The following SLC8A1 variants were observed in gnomAD, a reference collection of about 807,000 sequenced individuals.
SLC8A1 encodes the protein solute carrier family 8 member A1, also known as sodium/calcium exchanger 1.
SLC8A1 carries 18 observed loss-of-function variants against 68.3 expected under a neutral mutation model. That is an observed-to-expected ratio of 0.26 (90% CI 0.18 to 0.39). SLC8A1 has a LOEUF of 0.39. Ranked by LOEUF, SLC8A1 falls within the 10% of genes least tolerant of loss-of-function variation. SLC8A1 has a pLI of 1.00. For synonymous variants in SLC8A1, 475 were observed against 415.5 expected (o/e 1.14, Z -1.74); for missense variants, 985 against 1,156.7 (o/e 0.85, Z 2.15).
At chr2:40,316,433 T>C (rs2074456928) in intron 2 of SLC8A1, among the ~76,000 whole-genome samples, 1 of 152,062 alleles carries the variant, frequency 6.6e-6, no homozygotes, top group Non-Finnish European at 1.5e-5. Context: ...GAACGTCGTA[T>C]AGGAACACAA....
intron 7 of SLC8A1, among the ~76,000 whole-genome samples, chr2:40,138,617 C>T (rs936490377): frequency 6.6e-6 from 1 of 152,096 alleles, no homozygotes; most frequent in African/African-American, 2.4e-5. Context: ...CATTCCTGGG[C>T]CCTGTCACTC....
chr2:40,217,939 A>AC (rs11417331), intron 2 of SLC8A1, among the ~76,000 whole-genome samples: 2,681 of 151,882 alleles, frequency 0.018, 85 homozygotes, highest in African/African-American at 0.061. Context: ...ATTCTGAGAT[A>AC]AAATAGCTGT....
chr2:40,301,195 A>C (rs13429106), intron 2 of SLC8A1, among the ~76,000 whole-genome samples: 12,847 of 152,182 alleles, frequency 0.084, 787 homozygotes, highest in African/African-American at 0.17. Context: ...ATGTGCTGAG[A>C]ATTTGCTAAG....
At chr2:40,393,622 G>A (rs1276172945) in intron 2 of SLC8A1, among the ~76,000 whole-genome samples, 1 of 152,066 alleles carries the variant, frequency 6.6e-6, no homozygotes, top group Non-Finnish European at 1.5e-5. Context: ...AAACCCATAT[G>A]AGGGTGCTCC....
At chr2:40,269,374 A>AC (rs1425647288) in intron 2 of SLC8A1, among the ~76,000 whole-genome samples, 2 of 152,186 alleles carry the variant, frequency 1.3e-5, no homozygotes, top group East Asian at 3.8e-4. Flanking sequence ...GTGTGAATGT[A>AC]CCTTCCACTT....
At chr2:40,412,511 T>G (rs1315354797) in intron 2 of SLC8A1, among the ~76,000 whole-genome samples, 1 of 152,176 alleles carries the variant, frequency 6.6e-6, no homozygotes, top group African/African-American at 2.4e-5. Flanking sequence ...GCATACGGTT[T>G]TAACTGAAAC....
intron 2 of SLC8A1, among the ~76,000 whole-genome samples, chr2:40,329,139 C>T (rs2076156031): frequency 6.6e-6 from 1 of 151,812 alleles, no homozygotes; most frequent in Non-Finnish European, 1.5e-5. Context: ...AACAGACAAA[C>T]TTTCACTCGG....
At chr2:40,490,120 T>A (rs1405030732) in intron 1 of SLC8A1, among the ~76,000 whole-genome samples, 1 of 152,094 alleles carries the variant, frequency 6.6e-6, no homozygotes, top group Non-Finnish European at 1.5e-5. Flanking sequence ...CTAGTGAAAT[T>A]GCGTGGATAT....
At chr2:40,427,673 A>C (rs1164078996) in intron 2 of SLC8A1, among the ~76,000 whole-genome samples, 2 of 152,140 alleles carry the variant, frequency 1.3e-5, no homozygotes, top group Non-Finnish European at 2.9e-5. Context: ...TTACTACATG[A>C]GCACAGTGCC....
At chr2:40,508,367 T>C (rs1471640716) in intron 1 of SLC8A1, among the ~76,000 whole-genome samples, 2 of 149,352 alleles carry the variant, frequency 1.3e-5, no homozygotes, top group Non-Finnish European at 3.0e-5. Context: ...AAAAAAAAAA[T>C]CTAAAAAAAA....
At chr2:40,211,880 T>TATCA (rs1334361428) in intron 2 of SLC8A1, among the ~76,000 whole-genome samples, 5 of 152,204 alleles carry the variant, frequency 3.3e-5, no homozygotes, top group African/African-American at 1.2e-4. Flanking sequence ...AGTGAAGTGA[T>TATCA]GTGTCTGTCA....
chr2:40,361,743 G>T (rs1022561803), intron 2 of SLC8A1, among the ~76,000 whole-genome samples: 1 of 151,908 alleles, frequency 6.6e-6, no homozygotes, highest in Non-Finnish European at 1.5e-5. Flanking sequence ...GTGGCCACAC[G>T]TATCGGGTAG....
At chr2:40,101,570 A>C (rs2033895589) in exon 8 of SLC8A1, 1 of 152,154 alleles carries the variant, frequency 6.6e-6, no homozygotes, top group Non-Finnish European at 1.5e-5. Context: ...GTTATGCCAG[A>C]AAAAGACATA....
At position 40,428,089 on chromosome 2, in the gene SLC8A1, T is replaced by C. The variant is rs563246023; in HGVS notation, c.1808+384A>G. Among the ~76,000 whole-genome samples the C allele has an allele frequency of 3.3e-5, 5 of 152,282 alleles. No individual in the cohort carries two copies. The South Asian group carries it at 1.0e-3, about 32-fold the overall frequency. The stretch of plus-strand genomic sequence containing the variant: ...CTCAGAAACGAAGTTAGAGACCTAT[T>C]GTGATGTTTTAAATATTCCTTTTCT... On this transcript the variant is annotated intron_variant, in intron 2 of 7. Coordinates refer to ENST00000406785, the Ensembl canonical transcript of SLC8A1.
At chr2:40,252,199 G>A (rs2062867773) in intron 2 of SLC8A1, among the ~76,000 whole-genome samples, 1 of 152,174 alleles carries the variant, frequency 6.6e-6, no homozygotes, top group Non-Finnish European at 1.5e-5. Flanking sequence ...GTGAATCTGG[G>A]TTCAGATGTT....
intron 2 of SLC8A1, among the ~76,000 whole-genome samples, chr2:40,403,761 T>C (rs550399334): frequency 6.6e-6 from 1 of 152,154 alleles, no homozygotes; most frequent in Non-Finnish European, 1.5e-5. Flanking sequence ...AACCTATTCA[T>C]AGAAAGCATT....
chr2:40,508,169 T>C (rs1321984856), intron 1 of SLC8A1, among the ~76,000 whole-genome samples: 3 of 152,038 alleles, frequency 2.0e-5, no homozygotes, highest in African/African-American at 4.8e-5. Flanking sequence ...TTATTATTTA[T>C]TGGAATCTAA....
At chr2:40,315,884 A>C (rs1023914476) in intron 2 of SLC8A1, among the ~76,000 whole-genome samples, 1 of 152,042 alleles carries the variant, frequency 6.6e-6, no homozygotes, top group Non-Finnish European at 1.5e-5. Context: ...CAATGAGAAC[A>C]TTTGTCACTG....
exon 8 of SLC8A1, chr2:40,111,394 T>G (rs1218209068): frequency 2.0e-5 from 3 of 152,164 alleles, no homozygotes; most frequent in African/African-American, 7.2e-5. Flanking sequence ...ATTGACAGTT[T>G]GATACTATAA....
Sources: allele counts gnomAD v4.1 joint callset (sites outside exome capture counted in the v4.1 genomes callset), GRCh38; gene constraint gnomAD v4.1.1; transcripts MANE v1.5; gene names NCBI Gene and HGNC (gene_info 2026-07-23, HGNC 2026-07-21).